HS3ST4: variants seen among roughly 807,000 people sequenced by gnomAD.
HS3ST4 encodes heparan sulfate-glucosamine 3-sulfotransferase 4.
HS3ST4 carries 17 observed loss-of-function variants against 29.2 expected under a neutral mutation model. The ratio of observed to expected loss-of-function variants is 0.58; its 90% CI spans 0.40 to 0.87. HS3ST4 has a LOEUF of 0.87. Among genes scored for constraint, HS3ST4 ranks in the 40% least tolerant of loss-of-function variants. The probability of loss-of-function intolerance (pLI) is 0.00; values close to 1 mark genes in which losing one functional copy is unlikely to be tolerated. For missense variants in HS3ST4, 627 were observed against 634.5 expected, an observed-to-expected ratio of 0.99 and a Z score of 0.13; for synonymous variants, 314 against 285.7, an observed-to-expected ratio of 1.10 and a Z score of -1.00.
Position 25,828,242 on chromosome 16 carries a change from C to CTTTTTCTTTCTTTCTT in HS3ST4, c.734+135092_734+135093insTTTTCTTTCTTTCTTT, listed in dbSNP as rs1371928058. On this transcript the variant is annotated intron_variant, in intron 1 of 1. Coordinates refer to ENST00000331351, the MANE Select transcript of HS3ST4 (RefSeq NM_006040.3). Reference sequence around the variant, plus strand: ...CTTTCCTTTCTTTCTTTCTTTCTTTCTCTTTCTTTCTTTCTTTCTTTCTTT... The same window carrying CTTTTTCTTTCTTTCTT: ...CTTTCCTTTCTTTCTTTCTTTCTTTCTTTTTCTTTCTTTCTTTCTTTCTTTCTTTCTTTCTTTCTTT... 8.8e-4 allele frequency among the ~76,000 whole-genome samples: 66 copies of CTTTTTCTTTCTTTCTT among 75,028 alleles called. 1 individual carries two copies. The East Asian group carries it at 0.014, about 16-fold the overall frequency. 49.2% of individuals were successfully genotyped at this position (75,028 alleles called of 152,430 possible). A position where few individuals can be genotyped will look rare whatever the true frequency, so the allele number is the denominator to read the frequency against.
chr16:25,918,621 A>G (rs1968316253), intron 1 of HS3ST4, among the ~76,000 whole-genome samples: 1 of 152,206 alleles, frequency 6.6e-6, no homozygotes, highest in South Asian at 2.1e-4. Flanking sequence ...CCAGGAAGAG[A>G]GAAGGTGCTT....
intron 1 of HS3ST4, among the ~76,000 whole-genome samples, chr16:26,014,216 T>G (rs963954631): frequency 1.3e-5 from 2 of 152,196 alleles, no homozygotes; most frequent in African/African-American, 4.8e-5. Context: ...GACAGGGACC[T>G]CATCTTGTTC....
intron 1 of HS3ST4, among the ~76,000 whole-genome samples, chr16:25,885,342 A>T (rs1260327513): frequency 6.6e-6 from 1 of 152,178 alleles, no homozygotes; most frequent in Non-Finnish European, 1.5e-5. Flanking sequence ...AAATGTGAAA[A>T]TTTGGTTTCG....
At chr16:25,771,063 G>A (rs980267173) in intron 1 of HS3ST4, among the ~76,000 whole-genome samples, 1 of 151,834 alleles carries the variant, frequency 6.6e-6, no homozygotes, top group Non-Finnish European at 1.5e-5. Flanking sequence ...ATGGTGGTTT[G>A]CTGCACCTAT....
At chr16:25,913,323 C>G (rs1968258497) in intron 1 of HS3ST4, among the ~76,000 whole-genome samples, 1 of 152,228 alleles carries the variant, frequency 6.6e-6, no homozygotes, top group Non-Finnish European at 1.5e-5. Flanking sequence ...AAGGGCAGAG[C>G]CCCCATGAAT....
Position 25,692,459 on chromosome 16 carries a change from T to G in HS3ST4, c.42T>G (p.Pro14=). ...CACCTCCTCCGCCTCCGCCTCCGCC[T>G]CCACCTCTGGCCGCGCCGCCGCCGC... The part of the protein sequence containing the change: ...WPAPPPPPPP[P]PPLAAPPPPG... Residue 14 remains proline, a synonymous_variant, in exon 1 of 2, where the codon CCT becomes CCG. Transcript: ENST00000331351. 7.5e-7 allele frequency: 1 copy of G among 1,327,464 alleles called. No individual in the cohort carries two copies. The highest frequency in any genetic ancestry group is 9.7e-7 in the Non-Finnish European group (1 of 1,026,290). 82.2% of individuals were successfully genotyped at this position (1,327,464 alleles called of 1,614,324 possible). A position where few individuals can be genotyped will look rare whatever the true frequency, so the allele number is the denominator to read the frequency against.
At chr16:25,813,277 A>T (rs1043095662) in intron 1 of HS3ST4, among the ~76,000 whole-genome samples, 5 of 152,228 alleles carry the variant, frequency 3.3e-5, no homozygotes, top group African/African-American at 1.2e-4. Context: ...ACACAAGCCA[A>T]CCAACAAAAT....
chr16:25,858,117 T>G (rs1019385545), intron 1 of HS3ST4, among the ~76,000 whole-genome samples: 1 of 151,530 alleles, frequency 6.6e-6, no homozygotes, highest in Non-Finnish European at 1.5e-5. Context: ...TCTTTCTTTT[T>G]TGCTAAACTC....
chr16:25,835,101 T>C (rs1353870756), intron 1 of HS3ST4, among the ~76,000 whole-genome samples: 1 of 152,168 alleles, frequency 6.6e-6, no homozygotes, highest in Non-Finnish European at 1.5e-5. Context: ...TTTAGCTAAG[T>C]GATAGGTGTG....
chr16:25,765,951 G>T (rs1344746136), intron 1 of HS3ST4, among the ~76,000 whole-genome samples: 1 of 152,150 alleles, frequency 6.6e-6, no homozygotes, highest in Non-Finnish European at 1.5e-5. Context: ...GAGTTGGTGT[G>T]TTAGCTGACC....
chr16:25,828,305 T>TTTCTTTCTTTCTTTCC (rs1567249540), intron 1 of HS3ST4, among the ~76,000 whole-genome samples: 5 of 76,148 alleles, frequency 6.6e-5, no homozygotes, highest in East Asian at 3.3e-4. Context: ...TCTTTCCCTC[T>TTTCTTTCTTTCTTTCC]CTCTCTCTCT....
Position 26,135,987 on chromosome 16 carries a change from A to C in HS3ST4, c.1110A>C (p.Lys370Asn), listed in dbSNP as rs1460032199. Residue 370 changes from lysine to asparagine, a missense_variant, in exon 2 of 2, where the codon AAA becomes AAC. Physicochemically the swap from Lys to Asn is moderately conservative, Grantham distance 94. Around this residue, in one of 2 missense-constraint regions of HS3ST4, gnomAD observed 225 missense variants for 293.7 expected, o/e 0.77. Coordinates refer to ENST00000331351, the MANE Select transcript of HS3ST4 (RefSeq NM_006040.3). ...TGGACCCCGCCGGGGAAATGGCCAAAGTACAGGATTTTCTAGGCCTCAAAC... is the reference window on the plus strand; with the variant it reads ...TGGACCCCGCCGGGGAAATGGCCAACGTACAGGATTTTCTAGGCCTCAAAC... The part of the protein sequence containing the change: ...LIVDPAGEMA[K>N]VQDFLGLKRV... 1.2e-6 allele frequency: 2 copies of C among 1,613,992 alleles called. No homozygotes were observed. The highest frequency in any genetic ancestry group is 3.3e-5 in the Admixed American group (2 of 60,022).
At chr16:25,781,451 CCTCT>C (rs1230308074) in intron 1 of HS3ST4, among the ~76,000 whole-genome samples, 1 of 152,162 alleles carries the variant, frequency 6.6e-6, no homozygotes, top group East Asian at 1.9e-4. Flanking sequence ...TCATTTTCAT[CCTCT>C]TTCTACCGAG....
chr16:26,059,786 T>A (rs1381940048), intron 1 of HS3ST4, among the ~76,000 whole-genome samples: 1 of 152,172 alleles, frequency 6.6e-6, no homozygotes, highest in Non-Finnish European at 1.5e-5. Context: ...ATTTTATTTT[T>A]ATTTTTTTTG....
chr16:26,054,269 G>GGAGAGAGAGAGAGAGAGAGAGCGAGA (rs1898380006), intron 1 of HS3ST4, among the ~76,000 whole-genome samples: 1 of 133,646 alleles, frequency 7.5e-6, no homozygotes, highest in African/African-American at 2.9e-5. Flanking sequence ...ACAGAGAGAG[G>GGAGAGAGAGAGAGAGAGAGAGCGAGA]GAGAGAGAGA....
chr16:26,052,102 A>C (rs1464183942), intron 1 of HS3ST4, among the ~76,000 whole-genome samples: 3 of 152,136 alleles, frequency 2.0e-5, no homozygotes, highest in African/African-American at 7.2e-5. Context: ...ATAGATCATA[A>C]GATCCCCATT....
At chr16:25,792,589 A>G (rs1342987826) in intron 1 of HS3ST4, among the ~76,000 whole-genome samples, 1 of 151,912 alleles carries the variant, frequency 6.6e-6, no homozygotes, top group Non-Finnish European at 1.5e-5. Context: ...ATGGGAATAA[A>G]TTTCTAAATA....
At chr16:25,953,242 C>T (rs919669354) in intron 1 of HS3ST4, among the ~76,000 whole-genome samples, 4 of 152,086 alleles carry the variant, frequency 2.6e-5, no homozygotes, top group Non-Finnish European at 5.9e-5. Flanking sequence ...TCAGGGGCTG[C>T]CAGGGAAGAT....
intron 1 of HS3ST4, among the ~76,000 whole-genome samples, chr16:25,830,776 C>A (rs1308272850): frequency 6.6e-6 from 1 of 151,842 alleles, no homozygotes; most frequent in Non-Finnish European, 1.5e-5. Flanking sequence ...TATACGATCA[C>A]AGCTCAGTCA....
Sources: gnomAD v4.1 joint callset for allele counts (sites outside exome capture counted in the v4.1 genomes callset) on GRCh38, gnomAD v4.1.1 for gene constraint, gnomAD v4.1.1 regional missense constraint, MANE v1.5 for transcripts, NCBI Gene and HGNC (gene_info 2026-07-23, HGNC 2026-07-21) for gene names.